The following SOX6 variants were observed in gnomAD, a reference collection of about 807,000 sequenced individuals.
The protein encoded by SOX6 is SRY-box transcription factor 6.
Under a neutral mutation model 97.8 loss-of-function variants are expected in SOX6, and 11 were observed. The ratio of observed to expected loss-of-function variants is 0.11; its 90% CI spans 0.07 to 0.19. The LOEUF is 0.19. Ranked by LOEUF, SOX6 falls within the 10% of genes least tolerant of loss-of-function variation. The probability of loss-of-function intolerance (pLI) is 1.00; values close to 1 mark genes in which losing one functional copy is unlikely to be tolerated. For missense variants in SOX6, 810 were observed against 1,039.5 expected, an observed-to-expected ratio of 0.78 and a Z score of 3.04; for synonymous variants, 360 against 371.4, an observed-to-expected ratio of 0.97 and a Z score of 0.35.
chr11:16,578,625 A>G (rs1848004893), intron 4 of SOX6, among the ~76,000 whole-genome samples: 1 of 152,164 alleles, frequency 6.6e-6, no homozygotes, highest in Non-Finnish European at 1.5e-5. Flanking sequence ...TAATTTTGTT[A>G]GATTTCCTTT....
chr11:16,325,691 A>C (rs1053865985), intron 2 of SOX6, among the ~76,000 whole-genome samples: 3 of 152,118 alleles, frequency 2.0e-5, no homozygotes, highest in Non-Finnish European at 4.4e-5. Flanking sequence ...TCTAATTATT[A>C]AAAAATTAAT....
At chr11:16,540,547 A>G (rs9666122) in intron 4 of SOX6, among the ~76,000 whole-genome samples, 5,100 of 152,184 alleles carry the variant, frequency 0.034, 272 homozygotes, top group African/African-American at 0.11. Context: ...GTTTGCACAT[A>G]ACATGATTGT....
chr11:16,527,984 C>T (rs1861192271), intron 4 of SOX6, among the ~76,000 whole-genome samples: 1 of 152,100 alleles, frequency 6.6e-6, no homozygotes, highest in Admixed American at 6.6e-5. Context: ...ATTCATTTCT[C>T]AGGTTGTATT....
rs1056385151 is a variant in SOX6, at chr11:16,045,255, A to G, written c.1623+1259T>C. On this transcript the variant is annotated intron_variant, in intron 12 of 15. Coordinates refer to ENST00000683767, the MANE Select transcript of SOX6 (RefSeq NM_001367873.1). Reference sequence around the variant, plus strand: ...CAGAATCCCTTATCTTGAATCCCCAATCTGCAATGTGATGGTCACTGGAGG... The same window carrying G: ...CAGAATCCCTTATCTTGAATCCCCAGTCTGCAATGTGATGGTCACTGGAGG... Among the ~76,000 whole-genome samples the G allele has an allele frequency of 7.9e-5, 12 of 152,126 alleles. No homozygotes were observed. In the South Asian group the frequency reaches 8.3e-4, roughly 11 times the overall value.
chr11:16,259,304 G>A (rs968392068), intron 3 of SOX6, among the ~76,000 whole-genome samples: 2 of 151,754 alleles, frequency 1.3e-5, no homozygotes, highest in Non-Finnish European at 2.9e-5. Context: ...TAAATAGATG[G>A]ACATATTCTG....
chr11:16,247,981 G>T (rs1853390008), intron 3 of SOX6, among the ~76,000 whole-genome samples: 1 of 152,128 alleles, frequency 6.6e-6, no homozygotes, highest in Non-Finnish European at 1.5e-5. Flanking sequence ...TAAAATAGGG[G>T]TACAGACATT....
At chr11:15,979,374 G>C (rs894461048) in intron 15 of SOX6, among the ~76,000 whole-genome samples, 5 of 151,902 alleles carry the variant, frequency 3.3e-5, no homozygotes, top group African/African-American at 1.2e-4. Flanking sequence ...CTGGTTTATT[G>C]TAAGAGGCTA....
rs183714152 is a variant in SOX6 at position 16,035,499 on chromosome 11, C to T, written c.1623+11015G>A. On this transcript the variant is annotated intron_variant, in intron 12 of 15. Transcript: ENST00000683767. ...TATTATTATGTTCTTAAAACTGCCA[C>T]GAGCAAAGAAAGCCTCTTAGGAAAA... Among the ~76,000 whole-genome samples, 11 of 152,228 alleles carry T rather than the reference C, an allele frequency of 7.2e-5. No individual in the cohort carries two copies. The East Asian group carries it at 7.7e-4, about 11-fold the overall frequency.
At chr11:16,558,036 T>C (rs1173183367) in intron 4 of SOX6, among the ~76,000 whole-genome samples, 1 of 151,940 alleles carries the variant, frequency 6.6e-6, no homozygotes, top group Non-Finnish European at 1.5e-5. Context: ...ATATTTTTTC[T>C]CTACAACTTT....
chr11:16,087,656 C>A (rs1044541702), intron 9 of SOX6, among the ~76,000 whole-genome samples: 51 of 152,056 alleles, frequency 3.4e-4, no homozygotes, highest in African/African-American at 1.2e-3. Context: ...TCTAATAGGT[C>A]TTAATTTTAA....
At chr11:16,523,535 G>C (rs982113224) in intron 4 of SOX6, among the ~76,000 whole-genome samples, 3 of 151,854 alleles carry the variant, frequency 2.0e-5, no homozygotes, top group Admixed American at 6.6e-5. Flanking sequence ...AAGCAGGAAA[G>C]ATCTAAAATT....
intron 2 of SOX6, among the ~76,000 whole-genome samples, chr11:16,337,983 C>A (rs948788176): frequency 3.9e-5 from 6 of 151,998 alleles, no homozygotes; most frequent in Non-Finnish European, 7.4e-5. Context: ...TTCACCTTCT[C>A]TGACAGAAAA....
chr11:16,200,998 T>A lies in SOX6; in HGVS notation c.536-14043A>T, dbSNP rs548001585. Among the ~76,000 whole-genome samples the A allele has an allele frequency of 1.5e-4, 23 of 151,858 alleles. No homozygotes were observed. In the South Asian group the frequency reaches 4.8e-3, roughly 32 times the overall value. On this transcript the variant is annotated intron_variant, in intron 4 of 15. Coordinates refer to ENST00000683767, the MANE Select transcript of SOX6 (RefSeq NM_001367873.1). The stretch of plus-strand genomic sequence containing the variant: ...CAGGCATGGTGGTGGGCACCTGTAA[T>A]CCCAGCTACTAGGGAGGCTGAGGCA...
chr11:16,518,434 T>C (rs182542946), intron 4 of SOX6, among the ~76,000 whole-genome samples: 42 of 152,310 alleles, frequency 2.8e-4, no homozygotes, highest in Admixed American at 1.2e-3. Flanking sequence ...TATACTTTGC[T>C]TAGACAGACA....
chr11:16,392,205 G>A (rs1213311681), intron 1 of SOX6, among the ~76,000 whole-genome samples: 2 of 152,020 alleles, frequency 1.3e-5, no homozygotes, highest in African/African-American at 4.8e-5. Context: ...AGTCTGAAAG[G>A]ATACAAAGAA....
At chr11:16,453,719 C>A (rs975566376) in intron 1 of SOX6, among the ~76,000 whole-genome samples, 1 of 151,944 alleles carries the variant, frequency 6.6e-6, no homozygotes, top group African/African-American at 2.4e-5. Flanking sequence ...ACAAACAGTG[C>A]CTTTTAAATT....
At chr11:16,357,452 A>G (rs1374394335), upstream of SOX6, among the ~76,000 whole-genome samples, 1 of 152,142 alleles carries the variant, frequency 6.6e-6, no homozygotes, top group Non-Finnish European at 1.5e-5. Flanking sequence ...ACGGTCGGCA[A>G]TTGTTAGTAC....
At chr11:16,342,458 T>C (rs1371141145) in intron 1 of SOX6, among the ~76,000 whole-genome samples, 4 of 151,946 alleles carry the variant, frequency 2.6e-5, no homozygotes, top group African/African-American at 4.8e-5. Flanking sequence ...TCAGTTAACA[T>C]AGGAAACCAC....
At chr11:16,275,348 G>A (rs1311233275) in intron 3 of SOX6, among the ~76,000 whole-genome samples, 1 of 151,942 alleles carries the variant, frequency 6.6e-6, no homozygotes, top group Non-Finnish European at 1.5e-5. Context: ...CAGCTACTGG[G>A]GAGGCTGAGG....
Sources: gnomAD v4.1 joint callset for allele counts (sites outside exome capture counted in the v4.1 genomes callset) on GRCh38, gnomAD v4.1.1 for gene constraint, MANE v1.5 for transcripts, NCBI Gene and HGNC (gene_info 2026-07-23, HGNC 2026-07-21) for gene names.